Variants in KDSR observed in about 807,000 individuals in gnomAD.
KDSR encodes 3-dehydrosphinganine reductase.
KDSR carries 23 observed loss-of-function variants against 41.3 expected under a neutral mutation model. The ratio of observed to expected loss-of-function variants is 0.56; its 90% CI spans 0.40 to 0.79. KDSR has a LOEUF of 0.79. KDSR is among the 30% of genes least tolerant of loss of function. KDSR has a pLI of 0.00. For synonymous variants in KDSR, 138 were observed against 151.7 expected (o/e 0.91, Z 0.66); for missense variants, 351 against 416.8 (o/e 0.84, Z 1.37).
chr18:63,334,186 G>A (rs974590775), intron 9 of KDSR, among the ~76,000 whole-genome samples: 3 of 152,142 alleles, frequency 2.0e-5, no homozygotes, highest in African/African-American at 7.2e-5. Context: ...AAAGAAAAGA[G>A]GGCTTGGGAA....
chr18:63,340,441 A>G (rs900504841), intron 7 of KDSR, among the ~76,000 whole-genome samples: 1 of 152,254 alleles, frequency 6.6e-6, no homozygotes, highest in African/African-American at 2.4e-5. Context: ...TTTATGCTGC[A>G]GAGATTCACA....
intron 3 of KDSR, among the ~76,000 whole-genome samples, chr18:63,357,512 AAATG>A (rs1914828872): frequency 6.7e-6 from 1 of 149,202 alleles, no homozygotes; most frequent in African/African-American, 2.4e-5. Flanking sequence ...GCAGCAACAT[AAATG>A]AATTTTTAAA....
At chr18:63,342,023 G>T (rs1914353294) in intron 7 of KDSR, among the ~76,000 whole-genome samples, 1 of 151,844 alleles carries the variant, frequency 6.6e-6, no homozygotes, top group African/African-American at 2.4e-5. Flanking sequence ...CAAAAAATCA[G>T]CCGGGCTTGG....
intron 8 of KDSR, among the ~76,000 whole-genome samples, chr18:63,337,815 C>T (rs796229991): frequency 1.6e-4 from 24 of 152,276 alleles, no homozygotes; most frequent in African/African-American, 5.8e-4. Flanking sequence ...GTAATCCCAG[C>T]TACTCAGAAG....
At chr18:63,356,800 C>T (rs1341220582) in intron 3 of KDSR, among the ~76,000 whole-genome samples, 3 of 152,170 alleles carry the variant, frequency 2.0e-5, no homozygotes, top group Non-Finnish European at 4.4e-5. Context: ...TCAGATATTA[C>T]AGGAATACGG....
chr18:63,330,491 G>A lies in KDSR; in HGVS notation c.*1291C>T. The A allele has an allele frequency of 8.6e-6, 2 of 231,518 alleles. No individual in the cohort carries two copies. Among genetic ancestry groups the A allele is most frequent in the East Asian group, 1.2e-4 (2 of 16,342 alleles). The allele number at this position is 231,518 out of a possible 1,614,324, so 14.3% of individuals were successfully genotyped here. On this transcript the variant is annotated 3_prime_UTR_variant, in exon 10 of 10. Coordinates refer to ENST00000645214, the MANE Select transcript of KDSR (RefSeq NM_002035.4). ...TCCTATAACCTGGAAACAACATTCA[G>A]GGGCCAAGAGGGTTTCCAGGGCTAC...
At chr18:63,347,095 G>T (rs1914527168) in intron 6 of KDSR, among the ~76,000 whole-genome samples, 1 of 151,974 alleles carries the variant, frequency 6.6e-6, no homozygotes. Context: ...CCTCATCCCT[G>T]TTGCCTGACC....
intron 2 of KDSR, among the ~76,000 whole-genome samples, chr18:63,360,311 G>A (rs927552398): frequency 6.6e-6 from 1 of 152,096 alleles, no homozygotes; most frequent in African/African-American, 2.4e-5. Flanking sequence ...TCTTAAGCAA[G>A]GTTACCTGTG....
chr18:63,360,647 C>T (rs1235550147), intron 2 of KDSR, among the ~76,000 whole-genome samples: 1 of 152,098 alleles, frequency 6.6e-6, no homozygotes, highest in African/African-American at 2.4e-5. Context: ...CTTTGGGAGG[C>T]CAAGGTGAGT....
rs1351759862 is a variant in KDSR at position 63,331,310 on chromosome 18, CAGAGAGACAGAGAGACAGAGAGAG to C, written c.*448_*471del. 7.3e-3 allele frequency: 1,652 copies of C among 225,920 alleles called. 19 individuals are homozygous for C. The highest frequency in any genetic ancestry group is 8.8e-3 in the African/African-American group (382 of 43,452). The allele number at this position is 225,920 out of a possible 1,614,324, so 14.0% of individuals were successfully genotyped here. On this transcript the variant is annotated 3_prime_UTR_variant, in exon 10 of 10. Transcript: ENST00000645214. ...ACAGAGAGACAGAGAGACAGAGAGACAGAGAGACAGAGAGACAGAGAGAGAGAGAGAGAGAACCCGAGAAACCGA... is the reference window on the plus strand; with the variant it reads ...ACAGAGAGACAGAGAGACAGAGAGACAGAGAGAGAGAACCCGAGAAACCGA...
At chr18:63,351,283 C>T (rs1411752560) in intron 5 of KDSR, among the ~76,000 whole-genome samples, 3 of 134,404 alleles carry the variant, frequency 2.2e-5, no homozygotes, top group Non-Finnish European at 3.5e-5. Flanking sequence ...TCAGGACCTA[C>T]CATTTGAAGA....
chr18:63,348,240 T>G (rs1427418701), intron 6 of KDSR, among the ~76,000 whole-genome samples: 2 of 151,160 alleles, frequency 1.3e-5, no homozygotes, highest in African/African-American at 4.9e-5. Flanking sequence ...GCCCAGGAAG[T>G]GGAGGCTACA....
chr18:63,341,124 T>C (rs1280106062), intron 7 of KDSR, among the ~76,000 whole-genome samples: 1 of 152,068 alleles, frequency 6.6e-6, no homozygotes, highest in African/African-American at 2.4e-5. Flanking sequence ...CTCTTAAATA[T>C]GGACAATCAA....
chr18:63,362,918 AG>A (rs769138093), intron 1 of KDSR, 50 bp from the exon 2 acceptor site: 4 of 1,293,302 alleles, frequency 3.1e-6, no homozygotes, highest in Non-Finnish European at 4.4e-6. Flanking sequence ...TCCCCTCTGT[AG>A]GAAGTTTTTA....
chr18:63,331,946 A>G, intron 9 of KDSR, 45 bp from the exon 10 acceptor site: 1 of 1,598,774 alleles, frequency 6.3e-7, no homozygotes, highest in Non-Finnish European at 8.5e-7. Flanking sequence ...ACGGTACAAG[A>G]CTATTTCAAG....
chr18:63,366,597 A>T, intron 1 of KDSR: 1 of 158,656 alleles, frequency 6.3e-6, no homozygotes, highest in Non-Finnish European at 1.4e-5. Context: ...CGCGCGCCGC[A>T]CCCTGCACAC....
At chr18:63,359,920 A>ATC in intron 2 of KDSR, 128 bp from the exon 3 acceptor site, 1 of 698,732 alleles carries the variant, frequency 1.4e-6, no homozygotes, top group Admixed American at 2.0e-5. Flanking sequence ...ACAAAACAGT[A>ATC]TCTACATTGC....
intron 7 of KDSR, among the ~76,000 whole-genome samples, chr18:63,342,342 G>A (rs1914366411): frequency 6.6e-6 from 1 of 152,116 alleles, no homozygotes; most frequent in South Asian, 2.1e-4. Flanking sequence ...TCCGTCAAAG[G>A]GAGGGGAGAA....
chr18:63,348,482 A>G (rs1914578657), intron 6 of KDSR, among the ~76,000 whole-genome samples: 1 of 152,222 alleles, frequency 6.6e-6, no homozygotes, highest in Non-Finnish European at 1.5e-5. Flanking sequence ...TCTACTACGA[A>G]CAAACTACAT....
Sources: gnomAD v4.1 joint callset for allele counts (sites outside exome capture counted in the v4.1 genomes callset) on GRCh38, gnomAD v4.1.1 for gene constraint, MANE v1.5 for transcripts, NCBI Gene and HGNC (gene_info 2026-07-23, HGNC 2026-07-21) for gene names.